Variants in TENM3 observed in about 807,000 individuals in gnomAD.
TENM3 encodes the protein teneurin transmembrane protein 3.
TENM3 carries 63 observed loss-of-function variants against 255.1 expected under a neutral mutation model. The ratio of observed to expected loss-of-function variants is 0.25; its 90% CI spans 0.20 to 0.30. The LOEUF (loss-of-function observed/expected upper bound fraction) is 0.30, where lower values mean the gene tolerates loss of function less well. Ranked by LOEUF, TENM3 falls within the 10% of genes least tolerant of loss-of-function variation. The pLI is 1.00. For synonymous variants in TENM3, 1,306 were observed against 1,322.3 expected (o/e 0.99, Z 0.27); for missense variants, 2,929 against 3,461.1 (o/e 0.85, Z 3.86).
intron 13 of TENM3, among the ~76,000 whole-genome samples, chr4:182,715,685 C>A (rs1448524127): frequency 6.6e-6 from 1 of 152,128 alleles, no homozygotes; most frequent in Non-Finnish European, 1.5e-5. Flanking sequence ...AGGGCCTCAA[C>A]TACTATTCTG....
At chr4:182,436,174 C>T (rs77925724) in intron 3 of TENM3, among the ~76,000 whole-genome samples, 3,852 of 152,292 alleles carry the variant, frequency 0.025, 67 homozygotes, top group Non-Finnish European at 0.041. Flanking sequence ...TCTCTCTCCA[C>T]TTCTTTGCTT....
the TENM3 span, among the ~76,000 whole-genome samples, chr4:181,912,165 T>C: frequency 9.2e-5 from 14 of 152,186 alleles, no homozygotes; most frequent in Admixed American, 5.2e-4. Context: ...AAATTCCACA[T>C]TGGAGATTTC....
At chr4:182,337,862 G>T (rs1050920672) in intron 2 of TENM3, among the ~76,000 whole-genome samples, 24 of 152,272 alleles carry the variant, frequency 1.6e-4, no homozygotes, top group African/African-American at 5.8e-4. Flanking sequence ...AATATCCACT[G>T]AGCAAAAGGA....
intron 6 of TENM3, among the ~76,000 whole-genome samples, chr4:182,669,051 T>C (rs1754969412): frequency 6.6e-6 from 1 of 152,156 alleles, no homozygotes; most frequent in Non-Finnish European, 1.5e-5. Flanking sequence ...TATCATAGCC[T>C]TAGAAATGTA....
chr4:182,397,179 T>C (rs1251328833), intron 3 of TENM3, among the ~76,000 whole-genome samples: 1 of 150,396 alleles, frequency 6.6e-6, no homozygotes, highest in Admixed American at 6.6e-5. Flanking sequence ...TCTGACTCAG[T>C]AAGAGAAGGA....
the TENM3 span, among the ~76,000 whole-genome samples, chr4:181,610,491 A>T: frequency 6.6e-6 from 1 of 152,176 alleles, no homozygotes; most frequent in Non-Finnish European, 1.5e-5. Flanking sequence ...GCATAGTTTC[A>T]TGTACCTCAG....
the TENM3 span, among the ~76,000 whole-genome samples, chr4:181,511,864 T>C: frequency 1.3e-5 from 2 of 151,966 alleles, no homozygotes; most frequent in Non-Finnish European, 2.9e-5. Context: ...AGGCTTAAAA[T>C]GGGATAGAGA....
the TENM3 span, among the ~76,000 whole-genome samples, chr4:181,607,413 AT>A: frequency 6.0e-4 from 88 of 147,626 alleles, no homozygotes; most frequent in South Asian, 2.8e-3. Context: ...TTGGCATTTA[AT>A]TTTTTTTTTT....
chr4:181,870,979 A>G, the TENM3 span, among the ~76,000 whole-genome samples: 1 of 152,014 alleles, frequency 6.6e-6, no homozygotes, highest in Non-Finnish European at 1.5e-5. Flanking sequence ...AAATGCATTT[A>G]TTTTTATATG....
chr4:182,650,889 A>AATATAT (rs1157725899), intron 5 of TENM3, among the ~76,000 whole-genome samples: 6 of 29,764 alleles, frequency 2.0e-4, no homozygotes, highest in Non-Finnish European at 2.8e-4. Flanking sequence ...AATAAAAAAA[A>AATATAT]ATATATATAT....
chr4:182,194,015 C>A (rs947888703), intron 1 of TENM3, among the ~76,000 whole-genome samples: 6 of 152,168 alleles, frequency 3.9e-5, no homozygotes, highest in Non-Finnish European at 8.8e-5. Flanking sequence ...AAGCTTTCAC[C>A]AGAATTAACA....
the TENM3 span, among the ~76,000 whole-genome samples, chr4:181,458,128 T>C: frequency 1.5e-4 from 23 of 152,048 alleles, 2 homozygotes; most frequent in South Asian, 2.3e-3. Context: ...CCTTCTAATC[T>C]TGCAAATCTG....
the TENM3 span, among the ~76,000 whole-genome samples, chr4:181,828,384 C>T: frequency 2.0e-5 from 3 of 152,318 alleles, no homozygotes; most frequent in Middle Eastern, 3.4e-3. Context: ...TCTTTCAATA[C>T]TAGTGGCATT....
intron 3 of TENM3, among the ~76,000 whole-genome samples, chr4:182,426,697 G>A (rs1516533): frequency 0.99 from 150,782 of 152,266 alleles, 74,673 homozygotes; most frequent in East Asian, 1. Flanking sequence ...ATTTCCTTTA[G>A]CTAATACTGT....
chr4:182,278,157 A>T (rs749069279), intron 1 of TENM3, among the ~76,000 whole-genome samples: 94 of 152,336 alleles, frequency 6.2e-4, no homozygotes, highest in Non-Finnish European at 1.0e-3. Flanking sequence ...ACCTGAGGTC[A>T]GGAGTTCAGG....
At chr4:181,789,728 T>C in the TENM3 span, among the ~76,000 whole-genome samples, 1 of 152,074 alleles carries the variant, frequency 6.6e-6, no homozygotes, top group African/African-American at 2.4e-5. Context: ...GATCAAGCTC[T>C]ATACAAAGTC....
At chr4:181,874,762 A>G in the TENM3 span, among the ~76,000 whole-genome samples, 1 of 152,142 alleles carries the variant, frequency 6.6e-6, no homozygotes, top group Non-Finnish European at 1.5e-5. Flanking sequence ...TCCAGATGCT[A>G]CAGCAGCCCC....
intron 5 of TENM3, among the ~76,000 whole-genome samples, chr4:182,640,837 G>A (rs569990233): frequency 1.4e-4 from 22 of 152,294 alleles, no homozygotes; most frequent in South Asian, 2.1e-4. Flanking sequence ...ACTGCTCTCC[G>A]AGTGATCCCA....
intron 3 of TENM3, among the ~76,000 whole-genome samples, chr4:182,506,544 T>C (rs1736838220): frequency 6.6e-6 from 1 of 152,222 alleles, no homozygotes; most frequent in African/African-American, 2.4e-5. Context: ...ATGTGTATTA[T>C]AATTTGTACA....
Sources: gnomAD v4.1 joint callset for allele counts (sites outside exome capture counted in the v4.1 genomes callset) on GRCh38, gnomAD v4.1.1 for gene constraint, MANE v1.5 for transcripts, NCBI Gene and HGNC (gene_info 2026-07-23, HGNC 2026-07-21) for gene names.